The following PEX7 variants were observed in gnomAD, a reference collection of about 807,000 sequenced individuals.
PEX7 encodes PTS2 receptor.
In PEX7, 34 loss-of-function variants were observed where a neutral mutation model predicts 47.5. The observed-to-expected ratio is 0.72, with a 90% CI of 0.54 to 0.95. The LOEUF is 0.95. Among genes scored for constraint, PEX7 ranks in the 40% least tolerant of loss-of-function variants. The pLI, the probability that PEX7 is intolerant of heterozygous loss-of-function variation, is 0.00. For missense variants in PEX7, 394 were observed against 400.3 expected (o/e 0.98, Z 0.13); for synonymous variants, 141 against 148.8 (o/e 0.95, Z 0.38).
intron 8 of PEX7, among the ~76,000 whole-genome samples, chr6:136,886,696 A>G (rs561830852): frequency 6.6e-6 from 1 of 152,246 alleles, no homozygotes; most frequent in South Asian, 2.1e-4. Flanking sequence ...AATATGGTGC[A>G]GCATGAACCA....
chr6:136,897,438 A>C (rs1445734212), intron 8 of PEX7, among the ~76,000 whole-genome samples: 1 of 152,246 alleles, frequency 6.6e-6, no homozygotes, highest in African/African-American at 2.4e-5. Context: ...TGCACAGTAC[A>C]AATGAGAGCT....
intron 3 of PEX7, among the ~76,000 whole-genome samples, chr6:136,827,022 A>G (rs1774205000): frequency 6.6e-6 from 1 of 152,218 alleles, no homozygotes; most frequent in Admixed American, 6.5e-5. Flanking sequence ...ACTAACATAC[A>G]TGTATATTTT....
intron 3 of PEX7, among the ~76,000 whole-genome samples, chr6:136,842,331 A>G (rs1401531938): frequency 1.3e-5 from 2 of 151,850 alleles, no homozygotes; most frequent in Non-Finnish European, 2.9e-5. Context: ...TAACTTCACC[A>G]CCATGTGTGT....
chr6:136,872,371 A>G (rs1177812084), intron 8 of PEX7, 118 bp downstream of exon 8: 3 of 762,704 alleles, frequency 3.9e-6, no homozygotes, highest in Non-Finnish European at 6.6e-6. Context: ...TGAGATGGGT[A>G]CATTTAAATA....
intron 1 of PEX7, chr6:136,823,365 T>A: frequency 1.0e-6 from 1 of 985,240 alleles, no homozygotes; most frequent in Non-Finnish European, 1.2e-6. Flanking sequence ...TAACGAGGAA[T>A]GCACACATTC....
chr6:136,887,272 T>C (rs957104369), intron 8 of PEX7, among the ~76,000 whole-genome samples: 8 of 152,102 alleles, frequency 5.3e-5, no homozygotes, highest in African/African-American at 1.9e-4. Context: ...ACTTAATATA[T>C]AATTAATGTA....
chr6:136,890,184 G>A (rs746646186), intron 8 of PEX7, among the ~76,000 whole-genome samples: 5 of 152,166 alleles, frequency 3.3e-5, no homozygotes, highest in Non-Finnish European at 7.4e-5. Flanking sequence ...TTAAAAAACC[G>A]TAATTATTCA....
At chr6:136,864,016 C>G (rs576456634) in intron 5 of PEX7, among the ~76,000 whole-genome samples, 1 of 152,254 alleles carries the variant, frequency 6.6e-6, no homozygotes, top group South Asian at 2.1e-4. Flanking sequence ...GCTGGGGACC[C>G]AGACTCCTTG....
At chr6:136,854,119 G>C (rs1296157960) in intron 5 of PEX7, among the ~76,000 whole-genome samples, 3 of 152,002 alleles carry the variant, frequency 2.0e-5, no homozygotes, top group Admixed American at 2.0e-4. Flanking sequence ...TAAGTCAGTG[G>C]TAGCAATATT....
intron 9 of PEX7, among the ~76,000 whole-genome samples, chr6:136,910,369 A>G (rs763754102): frequency 1.5e-4 from 23 of 152,196 alleles, no homozygotes; most frequent in Non-Finnish European, 2.5e-4. Context: ...TTTTTAAAAA[A>G]GAGACATCTC....
intron 2 of PEX7, 69 bp from the exon 3 acceptor site, chr6:136,826,250 A>T (rs943739708): frequency 1.1e-4 from 164 of 1,513,602 alleles, no homozygotes; most frequent in Non-Finnish European, 1.4e-4. Flanking sequence ...CATAATTGTT[A>T]TTTTTTTTGT....
intron 9 of PEX7, among the ~76,000 whole-genome samples, chr6:136,905,565 A>T (rs1030520521): frequency 1.3e-5 from 2 of 152,108 alleles, no homozygotes; most frequent in Non-Finnish European, 2.9e-5. Flanking sequence ...TTAGCCATAT[A>T]ATTTTGATAT....
chr6:136,907,675 A>G (rs1775868037), intron 9 of PEX7, among the ~76,000 whole-genome samples: 1 of 152,178 alleles, frequency 6.6e-6, no homozygotes, highest in Non-Finnish European at 1.5e-5. Flanking sequence ...TTAATAAAGT[A>G]AAGCTCCTAA....
At chr6:136,894,247 AG>A (rs1775605385) in intron 8 of PEX7, among the ~76,000 whole-genome samples, 2 of 152,138 alleles carry the variant, frequency 1.3e-5, no homozygotes, top group South Asian at 4.1e-4. Context: ...TCACAAGGTC[AG>A]GAGTTCGAGA....
chr6:136,878,355 G>A (rs988138886), intron 8 of PEX7, among the ~76,000 whole-genome samples: 2 of 152,186 alleles, frequency 1.3e-5, no homozygotes, highest in African/African-American at 4.8e-5. Context: ...AATAGGAGAG[G>A]TGAGAGAGGG....
rs1033423186 is a variant in PEX7, at chr6:136,900,017, C to A, written c.903+1776C>A. 6.6e-6 allele frequency among the ~76,000 whole-genome samples: 1 copy of A among 152,200 alleles called. No homozygotes were observed. Among genetic ancestry groups the A allele is most frequent in the Non-Finnish European group, 1.5e-5 (1 of 68,042 alleles). On this transcript the variant is annotated intron_variant, in intron 9 of 9. Transcript: ENST00000318471. This position sits in a 1 kb window ranked among gnomAD's most constrained non-coding sequence, Gnocchi z 4.2. ...AGTAAATATTCATTCAATCCTCATC[C>A]TTATATATTTCTATTACCTGTCCTC...
At chr6:136,859,551 A>G (rs1349031818) in intron 5 of PEX7, among the ~76,000 whole-genome samples, 1 of 152,062 alleles carries the variant, frequency 6.6e-6, no homozygotes, top group Non-Finnish European at 1.5e-5. Flanking sequence ...GAGAGGCACA[A>G]GGCATTTCGG....
chr6:136,904,007 C>G (rs1268602629), intron 9 of PEX7, among the ~76,000 whole-genome samples: 1 of 152,006 alleles, frequency 6.6e-6, no homozygotes. Context: ...TGTTTTGGTT[C>G]AAACCTCTAT....
chr6:136,849,709 T>G (rs1774700928), intron 5 of PEX7, among the ~76,000 whole-genome samples: 1 of 152,198 alleles, frequency 6.6e-6, no homozygotes, highest in African/African-American at 2.4e-5. Context: ...TGCACTGTGG[T>G]CCGGGAGAAA....
Sources: gnomAD v4.1 joint callset for allele counts (sites outside exome capture counted in the v4.1 genomes callset) on GRCh38, gnomAD v4.1.1 for gene constraint, Gnocchi (gnomAD v3.1) non-coding constraint, MANE v1.5 for transcripts, NCBI Gene and HGNC (gene_info 2026-07-23, HGNC 2026-07-21) for gene names.